LBP: variants seen among roughly 807,000 people sequenced by gnomAD.
LBP encodes lipopolysaccharide binding protein.
Under a neutral mutation model 56.6 loss-of-function variants are expected in LBP, and 53 were observed. The observed-to-expected ratio is 0.94, with a 90% CI of 0.75 to 1.18. LBP has a LOEUF of 1.18. Among genes scored for constraint, LBP ranks in the 50% most tolerant of loss-of-function variants. The pLI is 0.00. For missense variants in LBP, 601 were observed against 598.3 expected (o/e 1.00, Z -0.05); for synonymous variants, 227 against 247.5 (o/e 0.92, Z 0.78).
chr20:38,376,477 G>C (rs953193717), intron 14 of LBP, 148 bp from the exon 15 acceptor site: 11 of 729,364 alleles, frequency 1.5e-5, no homozygotes, highest in Non-Finnish European at 2.2e-5. Flanking sequence ...GAGAGCTTGG[G>C]GACTGAGGCA....
At chr20:38,367,136 C>CCCAA (rs1189745512) in intron 9 of LBP, among the ~76,000 whole-genome samples, 2 of 152,114 alleles carry the variant, frequency 1.3e-5, no homozygotes, top group Non-Finnish European at 2.9e-5. Flanking sequence ...TCCTAGGTGC[C>CCCAA]AGGCATGTTC....
intron 3 of LBP, among the ~76,000 whole-genome samples, chr20:38,352,479 G>A (rs555855802): frequency 3.1e-4 from 47 of 152,242 alleles, no homozygotes; most frequent in Non-Finnish European, 6.2e-4. Context: ...CAGCAGCTGA[G>A]CACGGTGGCT....
At chr20:38,357,200 T>C (rs1362055052) in intron 5 of LBP, among the ~76,000 whole-genome samples, 1 of 152,162 alleles carries the variant, frequency 6.6e-6, no homozygotes, top group Non-Finnish European at 1.5e-5. Flanking sequence ...GGTGCCATTT[T>C]CCACATGGAC....
intron 14 of LBP, among the ~76,000 whole-genome samples, chr20:38,376,066 G>A (rs1319220976): frequency 6.6e-6 from 1 of 152,188 alleles, no homozygotes; most frequent in Non-Finnish European, 1.5e-5. Flanking sequence ...TAACCGAAAT[G>A]TCAGTGGGCT....
chr20:38,370,947 G>T, intron 11 of LBP, 142 bp downstream of exon 11: 2 of 735,648 alleles, frequency 2.7e-6, no homozygotes, highest in Non-Finnish European at 4.9e-6. Context: ...CAATTCTTCT[G>T]CCCCACTGGT....
chr20:38,364,554 T>G (rs767823554), intron 7 of LBP, 22 bp from the exon 8 acceptor site: 141 of 1,613,296 alleles, frequency 8.7e-5, no homozygotes, highest in Non-Finnish European at 1.1e-4. Context: ...AAAGTCCAAT[T>G]GGACCCTATT....
rs1456604397 is a variant in LBP at position 38,355,380 on chromosome 20, T to C, written c.559T>C (p.Ser187Pro). The C allele has an allele frequency of 4.3e-6, 7 of 1,613,696 alleles. No homozygotes were observed. Among genetic ancestry groups the C allele is most frequent in the Admixed American group, 1.7e-5 (1 of 60,012 alleles). The part of the protein sequence containing the change: ...LLNLFHNQIE[S>P]KFQKVLESRI... The stretch of plus-strand genomic sequence containing the variant: ...GAACCTCTTCCACAACCAGATTGAG[T>C]CCAAGTTCCAGAAAGTACTGGAGAG... Residue 187 changes from serine to proline, a missense_variant, in exon 5 of 15, where the codon TCC becomes CCC. By Grantham distance (74) the Ser-to-Pro change is moderately conservative. Coordinates refer to ENST00000217407, the MANE Select transcript of LBP (RefSeq NM_004139.5).
intron 14 of LBP, among the ~76,000 whole-genome samples, chr20:38,374,878 G>A (rs1038124351): frequency 1.3e-5 from 2 of 148,924 alleles, no homozygotes; most frequent in Non-Finnish European, 3.0e-5. Context: ...CTGCCTCCCA[G>A]GTTCAAGAGA....
chr20:38,357,159 C>T (rs2076844531), intron 5 of LBP, among the ~76,000 whole-genome samples: 1 of 152,174 alleles, frequency 6.6e-6, no homozygotes. Flanking sequence ...CCAGCCAGTC[C>T]CATTGGATCT....
chr20:38,374,758 T>G (rs1321843122), intron 14 of LBP, among the ~76,000 whole-genome samples: 3 of 151,054 alleles, frequency 2.0e-5, no homozygotes, highest in Non-Finnish European at 4.4e-5. Context: ...GCCTCCCCAT[T>G]TAAACAAGTA....
intron 4 of LBP, 69 bp downstream of exon 4, chr20:38,354,508 C>A: frequency 7.0e-7 from 1 of 1,429,308 alleles, no homozygotes; most frequent in Non-Finnish European, 9.5e-7. Flanking sequence ...AGCGCTCAGC[C>A]TGGCCTCCGA....
intron 3 of LBP, among the ~76,000 whole-genome samples, chr20:38,352,165 A>G (rs1231081490): frequency 5.3e-5 from 8 of 152,180 alleles, no homozygotes; most frequent in Admixed American, 4.6e-4. Context: ...TTTAAATGTA[A>G]TCACCTCTTC....
chr20:38,370,635 T>C (rs2076897661), intron 10 of LBP, 103 bp from the exon 11 acceptor site: 5 of 1,024,522 alleles, frequency 4.9e-6, no homozygotes, highest in African/African-American at 1.6e-5. Flanking sequence ...CTTTAGCTCA[T>C]TGAGCTGTTT....
intron 5 of LBP, among the ~76,000 whole-genome samples, chr20:38,359,766 C>T (rs763419129): frequency 2.6e-5 from 4 of 152,094 alleles, no homozygotes; most frequent in Non-Finnish European, 2.9e-5. Context: ...ATAAATAATT[C>T]GGGTGATTAC....
chr20:38,375,913 G>A (rs1001422586), intron 14 of LBP, among the ~76,000 whole-genome samples: 1 of 152,132 alleles, frequency 6.6e-6, no homozygotes, highest in South Asian at 2.1e-4. Context: ...AACAAATGTC[G>A]AAAGCCCTTT....
intron 1 of LBP, among the ~76,000 whole-genome samples, chr20:38,347,786 C>T (rs2076806135): frequency 6.6e-6 from 1 of 152,090 alleles, no homozygotes; most frequent in African/African-American, 2.4e-5. Flanking sequence ...CTCAGGGAGG[C>T]AGACATTGGC....
intron 1 of LBP, 86 bp from the exon 2 acceptor site, chr20:38,349,462 G>T: frequency 1.1e-6 from 1 of 941,794 alleles, no homozygotes. Flanking sequence ...CCCCTCTCTT[G>T]AGGACAGGTG....
At chr20:38,357,514 T>A (rs1407090551) in intron 5 of LBP, among the ~76,000 whole-genome samples, 1 of 152,210 alleles carries the variant, frequency 6.6e-6, no homozygotes, top group Non-Finnish European at 1.5e-5. Context: ...CTCTGGGCGA[T>A]ATATACTCAC....
intron 12 of LBP, among the ~76,000 whole-genome samples, chr20:38,371,546 C>T (rs2076900927): frequency 6.6e-6 from 1 of 152,178 alleles, no homozygotes; most frequent in Non-Finnish European, 1.5e-5. Context: ...ACAGAATTCT[C>T]TTAACTGCAA....
Sources: allele counts gnomAD v4.1 joint callset (sites outside exome capture counted in the v4.1 genomes callset), GRCh38; gene constraint gnomAD v4.1.1; transcripts MANE v1.5; gene names NCBI Gene and HGNC (gene_info 2026-07-23, HGNC 2026-07-21).